WAC: variants seen among roughly 807,000 people sequenced by gnomAD.
WAC encodes the protein WW domain containing adaptor with coiled-coil.
In WAC, 11 loss-of-function variants were observed where a neutral mutation model predicts 79.6. The ratio of observed to expected loss-of-function variants is 0.14; its 90% CI spans 0.09 to 0.23. The LOEUF (loss-of-function observed/expected upper bound fraction) is 0.23, where lower values mean the gene tolerates loss of function less well. WAC is among the 10% of genes least tolerant of loss of function. WAC has a pLI of 1.00. For missense variants in WAC, 728 were observed against 773.5 expected, an observed-to-expected ratio of 0.94 and a Z score of 0.70; for synonymous variants, 304 against 276.9, an observed-to-expected ratio of 1.10 and a Z score of -0.97.
intron 3 of WAC, among the ~76,000 whole-genome samples, chr10:28,574,770 G>A (rs1839158646): frequency 1.3e-5 from 2 of 152,290 alleles, no homozygotes; most frequent in East Asian, 3.9e-4. Context: ...GAATATTCAT[G>A]TACAGTGTTT....
intron 7 of WAC, among the ~76,000 whole-genome samples, chr10:28,599,614 A>G (rs1840542841): frequency 6.6e-6 from 1 of 152,172 alleles, no homozygotes; most frequent in Admixed American, 6.6e-5. Flanking sequence ...AAGTTTGTGT[A>G]TGTGTTGTGC....
chr10:28,564,625 C>G (rs1334951501), intron 3 of WAC, among the ~76,000 whole-genome samples: 1 of 152,154 alleles, frequency 6.6e-6, no homozygotes, highest in Admixed American at 6.5e-5. Flanking sequence ...TGGGTTTAAA[C>G]CTCACCTGTT....
At chr10:28,565,690 A>T (rs1838563132) in intron 3 of WAC, among the ~76,000 whole-genome samples, 1 of 152,214 alleles carries the variant, frequency 6.6e-6, no homozygotes, top group African/African-American at 2.4e-5. Flanking sequence ...CTGAATTTTT[A>T]AAAGGAATTT....
At chr10:28,568,531 C>T (rs12164750) in intron 3 of WAC, among the ~76,000 whole-genome samples, 3,458 of 152,180 alleles carry the variant, frequency 0.023, 144 homozygotes, top group African/African-American at 0.078. Flanking sequence ...CAGGCACCCG[C>T]CACCATGCCA....
intron 6 of WAC, 123 bp downstream of exon 6, chr10:28,590,955 T>G: frequency 1.2e-6 from 1 of 837,782 alleles, no homozygotes; most frequent in Non-Finnish European, 1.9e-6. Flanking sequence ...GGAGATTCTT[T>G]TATGTTGGAT....
intron 3 of WAC, among the ~76,000 whole-genome samples, chr10:28,578,360 G>C (rs1839357675): frequency 6.6e-6 from 1 of 152,088 alleles, no homozygotes; most frequent in Admixed American, 6.5e-5. Context: ...AGATATACCT[G>C]TTCCTTCCTT....
In WAC at chr10:28,533,682, C is replaced by T. The variant is rs1001138688; in HGVS notation, c.41+62C>T. 8.0e-6 allele frequency: 12 copies of T among 1,500,266 alleles called. No individual in the cohort carries two copies. In the African/African-American group the frequency reaches 1.3e-4, roughly 16 times the overall value. 92.9% of individuals were successfully genotyped at this position (1,500,266 alleles called of 1,614,324 possible). On this transcript the variant is annotated intron_variant, in intron 1 of 13. Transcript: ENST00000354911. ...GGGGGCGGCGGCGGGGGGGCTGTTC[C>T]TCCTTATCTGGAGCTGGCCGGGCCG...
intron 13 of WAC, among the ~76,000 whole-genome samples, chr10:28,618,847 T>G (rs1315870510): frequency 6.6e-6 from 1 of 152,236 alleles, no homozygotes; most frequent in Admixed American, 6.5e-5. Context: ...TTAATTCTAC[T>G]CTTTACTGTA....
Position 28,620,825 on chromosome 10 carries a change from G to A in WAC, c.*1219G>A, listed in dbSNP as rs1448654883. On this transcript the variant is annotated 3_prime_UTR_variant, in exon 14 of 14. Coordinates refer to ENST00000354911, the MANE Select transcript of WAC (RefSeq NM_016628.5). ...TTTCATTTGGAAGGATGTTTGTGTT[G>A]TAGCTAACTGTTCAAGTCTGGTGCT... The A allele has an allele frequency of 2.0e-5, 3 of 152,208 alleles. No homozygotes were observed. The highest frequency in any genetic ancestry group is 4.4e-5 in the Non-Finnish European group (3 of 68,032). The allele number at this position is 152,208 out of a possible 1,614,324, so 9.4% of individuals were successfully genotyped here.
intron 3 of WAC, among the ~76,000 whole-genome samples, chr10:28,557,448 C>G (rs1838057516): frequency 6.6e-6 from 1 of 152,074 alleles, no homozygotes; most frequent in African/African-American, 2.4e-5. Flanking sequence ...ATAATCCTAG[C>G]ACATGGGGAG....
chr10:28,583,336 C>A, intron 3 of WAC, 63 bp from the exon 4 acceptor site: 1 of 1,211,016 alleles, frequency 8.3e-7, no homozygotes, highest in Non-Finnish European at 1.2e-6. Flanking sequence ...TGATAGAAAA[C>A]AGTTTAGATT....
At chr10:28,537,001 C>T (rs572043899) in intron 3 of WAC, among the ~76,000 whole-genome samples, 31 of 152,286 alleles carry the variant, frequency 2.0e-4, no homozygotes, top group Admixed American at 5.9e-4. Flanking sequence ...TTTTGTCCAC[C>T]TAGGATAGAA....
At chr10:28,610,630 G>T in intron 8 of WAC, 69 bp from the exon 9 acceptor site, 1 of 1,464,418 alleles carries the variant, frequency 6.8e-7, no homozygotes, top group Non-Finnish European at 9.1e-7. Context: ...TCTCTTCCTT[G>T]TCAGGTTGTT....
chr10:28,533,940 C>T (rs1028144702), intron 1 of WAC, 58 bp from the exon 2 acceptor site: 13 of 1,594,154 alleles, frequency 8.2e-6, no homozygotes, highest in East Asian at 2.3e-5. Context: ...TTTTCTTCCT[C>T]CCCGGCCCCC....
At position 28,565,748 on chromosome 10, in the gene WAC, C is replaced by T. The variant is rs1456330524; in HGVS notation, c.275-17651C>T. Among the ~76,000 whole-genome samples the T allele has an allele frequency of 6.6e-5, 10 of 152,284 alleles. No homozygotes were observed. In the East Asian group the frequency reaches 1.7e-3, roughly 26 times the overall value. On this transcript the variant is annotated intron_variant, in intron 3 of 13. Coordinates refer to ENST00000354911, the MANE Select transcript of WAC (RefSeq NM_016628.5). The stretch of plus-strand genomic sequence containing the variant: ...TACCAAATTAGCTTTTCATTTTGCT[C>T]ATAAAATAACACAAGCAGCTCTTTC...
At chr10:28,544,229 T>C (rs11592306) in intron 3 of WAC, among the ~76,000 whole-genome samples, 7,478 of 152,268 alleles carry the variant, frequency 0.049, 387 homozygotes, top group East Asian at 0.23. Flanking sequence ...TTCCCTTTAT[T>C]CGCTTGTATT....
At chr10:28,604,026 A>AT (rs1416964355) in intron 7 of WAC, among the ~76,000 whole-genome samples, 35 of 140,666 alleles carry the variant, frequency 2.5e-4, no homozygotes, top group Non-Finnish European at 2.6e-4. Flanking sequence ...AAGTACACTG[A>AT]TTTTTTTTAA....
Position 28,535,559 on chromosome 10 carries a change from C to A in WAC, c.79-3C>A. 1.3e-6 allele frequency: 2 copies of A among 1,568,428 alleles called. No individual in the cohort carries two copies. Among genetic ancestry groups the A allele is most frequent in the South Asian group, 1.2e-5 (1 of 85,438 alleles). ...CTTTTTTTGGGGGGGTGATGTTTTACAGGCACTTAAGTATTCATCGAAGAG... is the reference window on the plus strand; with the variant it reads ...CTTTTTTTGGGGGGGTGATGTTTTAAAGGCACTTAAGTATTCATCGAAGAG... On this transcript the variant is annotated splice_polypyrimidine_tract_variant and splice_region_variant and intron_variant, in intron 2 of 13. Coordinates refer to ENST00000354911, the MANE Select transcript of WAC (RefSeq NM_016628.5).
At chr10:28,618,221 T>A (rs332177) in intron 13 of WAC, among the ~76,000 whole-genome samples, 2 of 152,022 alleles carry the variant, frequency 1.3e-5, no homozygotes, top group South Asian at 4.1e-4. Flanking sequence ...TCTTGTCTTG[T>A]ATTTCTTAAT....
Sources: allele counts gnomAD v4.1 joint callset (sites outside exome capture counted in the v4.1 genomes callset), GRCh38; gene constraint gnomAD v4.1.1; transcripts MANE v1.5; gene names NCBI Gene and HGNC (gene_info 2026-07-23, HGNC 2026-07-21).